OLA1: variants seen among roughly 807,000 people sequenced by gnomAD.
OLA1 encodes the protein obg-like ATPase 1.
In OLA1, 14 loss-of-function variants were observed where a neutral mutation model predicts 48.4. The ratio of observed to expected loss-of-function variants is 0.29; its 90% CI spans 0.19 to 0.45. The LOEUF (loss-of-function observed/expected upper bound fraction) is 0.45. Among genes scored for constraint, OLA1 ranks in the 20% least tolerant of loss-of-function variants. The probability of loss-of-function intolerance (pLI) is 1.00; values close to 1 mark genes in which losing one functional copy is unlikely to be tolerated. For synonymous variants in OLA1, 127 were observed against 150.4 expected, an observed-to-expected ratio of 0.84 and a Z score of 1.14; for missense variants, 325 against 467.1, an observed-to-expected ratio of 0.70 and a Z score of 2.80.
At chr2:174,246,532 C>T (rs1689131005) in intron 2 of OLA1, among the ~76,000 whole-genome samples, 183 bp downstream of exon 2, 1 of 152,122 alleles carries the variant, frequency 6.6e-6, no homozygotes, top group Non-Finnish European at 1.5e-5. Flanking sequence ...CCACACATAG[C>T]CAACCAGCAC....
intron 5 of OLA1, among the ~76,000 whole-genome samples, chr2:174,136,815 G>C (rs1686320978): frequency 1.3e-5 from 2 of 151,818 alleles, no homozygotes; most frequent in East Asian, 3.9e-4. Flanking sequence ...AGGATTACAG[G>C]CACATGCTGC....
rs537566122 is a variant in OLA1 at position 174,130,676 on chromosome 2, G to A, written c.550-7001C>T. Among the ~76,000 whole-genome samples the A allele has an allele frequency of 3.3e-5, 5 of 152,192 alleles. No homozygotes were observed. The East Asian group carries it at 5.8e-4, about 18-fold the overall frequency. ...TTTGAGGAAGGGTCTGGAAGTTGTGGGGAAGCCAACAAATCTGATTTTAAT... is the reference window on the plus strand; with the variant it reads ...TTTGAGGAAGGGTCTGGAAGTTGTGAGGAAGCCAACAAATCTGATTTTAAT... On this transcript the variant is annotated intron_variant, in intron 5 of 10. Coordinates refer to ENST00000284719, the MANE Select transcript of OLA1 (RefSeq NM_013341.5).
In OLA1 at chr2:174,173,336, G is replaced by A. The variant is rs986868852; in HGVS notation, c.374-31336C>T. On this transcript the variant is annotated intron_variant, in intron 4 of 10. Transcript: ENST00000284719. The stretch of plus-strand genomic sequence containing the variant: ...CTGAAGACCTTAAGTACTTGCTTTC[G>A]TCGAATGGTCAGATAACTAGAACTA... Among the ~76,000 whole-genome samples, 27 of 144,360 alleles carry A rather than the reference G, an allele frequency of 1.9e-4. 1 individual carries two copies. The highest frequency in any genetic ancestry group is 1.7e-3 in the Admixed American group (24 of 14,384). The allele number at this position is 144,360 out of a possible 152,430, so 94.7% of individuals were successfully genotyped here.
chr2:174,182,559 TA>T (rs903907716), intron 4 of OLA1, among the ~76,000 whole-genome samples: 1 of 151,960 alleles, frequency 6.6e-6, no homozygotes, highest in Non-Finnish European at 1.5e-5. Flanking sequence ...AAAATGAAAT[TA>T]AAAAATCTCT....
At chr2:174,191,125 C>T (rs1687767687) in intron 4 of OLA1, among the ~76,000 whole-genome samples, 1 of 151,682 alleles carries the variant, frequency 6.6e-6, no homozygotes, top group Admixed American at 6.6e-5. Context: ...TTCCCCCAAC[C>T]AAAAAAATGA....
intron 7 of OLA1, among the ~76,000 whole-genome samples, chr2:174,103,219 T>TG (rs896683598): frequency 3.3e-5 from 5 of 152,238 alleles, no homozygotes; most frequent in African/African-American, 9.6e-5. Context: ...ATAGCATAAC[T>TG]GGGGGTTAAG....
chr2:174,113,652 T>C (rs1223249249), intron 7 of OLA1, among the ~76,000 whole-genome samples: 1 of 152,226 alleles, frequency 6.6e-6, no homozygotes. Flanking sequence ...ATTTAGTTTA[T>C]TAACTAAACA....
intron 4 of OLA1, among the ~76,000 whole-genome samples, chr2:174,207,513 C>A (rs889716868): frequency 2.0e-5 from 3 of 152,134 alleles, no homozygotes; most frequent in Admixed American, 2.0e-4. Context: ...AGTTCTATTT[C>A]CTTAAGAACT....
At chr2:174,212,737 T>A (rs1257696874) in intron 4 of OLA1, among the ~76,000 whole-genome samples, 1 of 152,156 alleles carries the variant, frequency 6.6e-6, no homozygotes, top group African/African-American at 2.4e-5. Context: ...AAGACACAAA[T>A]ACACACAGTA....
At chr2:174,085,135 C>T (rs1684939926) in intron 7 of OLA1, among the ~76,000 whole-genome samples, 1 of 152,058 alleles carries the variant, frequency 6.6e-6, no homozygotes, top group Admixed American at 6.6e-5. Context: ...ATTTTTCTTC[C>T]CGGTAGTGAT....
At chr2:174,127,318 C>A (rs1235408742) in intron 5 of OLA1, among the ~76,000 whole-genome samples, 1 of 152,108 alleles carries the variant, frequency 6.6e-6, no homozygotes, top group African/African-American at 2.4e-5. Flanking sequence ...CCTAGACATC[C>A]CCCAAGGTTG....
chr2:174,211,880 A>C (rs538420096), intron 4 of OLA1, among the ~76,000 whole-genome samples: 11 of 152,364 alleles, frequency 7.2e-5, no homozygotes, highest in African/African-American at 2.6e-4. Context: ...ATATTATTAA[A>C]ATTGATTTCA....
chr2:174,097,730 G>GAA (rs55967538), intron 7 of OLA1, among the ~76,000 whole-genome samples: 6 of 126,210 alleles, frequency 4.8e-5, no homozygotes, highest in African/African-American at 1.7e-4. Context: ...CTCAAAAAAA[G>GAA]AAAAAAAAAA....
At chr2:174,243,190 G>A (rs1274856776) in intron 2 of OLA1, among the ~76,000 whole-genome samples, 2 of 152,118 alleles carry the variant, frequency 1.3e-5, no homozygotes, top group Non-Finnish European at 2.9e-5. Flanking sequence ...TGTATTTTTA[G>A]TAGAGATGGG....
rs575323376 is a variant in OLA1, at chr2:174,132,209, G to A, written c.550-8534C>T. Among the ~76,000 whole-genome samples, 515 of 151,978 alleles carry A rather than the reference G, an allele frequency of 3.4e-3. 2 individuals carry two copies. Among genetic ancestry groups the A allele is most frequent in the Non-Finnish European group, 5.8e-3 (391 of 67,916 alleles). ...ACAGAATCTACAGTAACACATTTTC[G>A]TTCATAATGCTAGTTTCGCTTTTCT... On this transcript the variant is annotated intron_variant, in intron 5 of 10. Coordinates refer to ENST00000284719, the MANE Select transcript of OLA1 (RefSeq NM_013341.5).
chr2:174,101,679 G>A (rs2105352981), intron 7 of OLA1, among the ~76,000 whole-genome samples: 1 of 152,296 alleles, frequency 6.6e-6, no homozygotes, highest in East Asian at 1.9e-4. Context: ...CCCTGCATAG[G>A]AAAAGAAGCA....
In OLA1 at chr2:174,141,892, C is replaced by T. The variant is rs1686457506; in HGVS notation, c.482G>A (p.Gly161Glu). Residue 161 changes from glycine to glutamate, a missense_variant, in exon 5 of 11, where the codon GGG (glycine) becomes GAG (glutamate). By Grantham distance (98) the Gly-to-Glu change is moderately conservative. Coordinates refer to ENST00000284719, the MANE Select transcript of OLA1 (RefSeq NM_013341.5). ...CTTTTCTAGTTTATCTATAATGGGC[C>T]CAATCATTTCCTCATCTTTAAGCTG... Reference protein sequence around the residue: ...ELQLKDEEMIGPIIDKLEKVA... With the variant: ...ELQLKDEEMIEPIIDKLEKVA... 13 of 1,612,230 alleles carry T rather than the reference C, an allele frequency of 8.1e-6. No individual in the cohort carries two copies. Among genetic ancestry groups the T allele is most frequent in the Non-Finnish European group, 1.1e-5 (13 of 1,179,684 alleles).
intron 7 of OLA1, among the ~76,000 whole-genome samples, chr2:174,110,097 T>C (rs920964133): frequency 6.7e-6 from 1 of 149,022 alleles, no homozygotes; most frequent in Non-Finnish European, 1.5e-5. Flanking sequence ...AAGGATTTTT[T>C]TTTTTTTTTT....
chr2:174,163,707 AATAAATATAT>A (rs1687068886), intron 4 of OLA1, among the ~76,000 whole-genome samples: 4 of 39,994 alleles, frequency 1.0e-4, no homozygotes, highest in African/African-American at 4.4e-4. Context: ...AAAATAAATA[AATAAATATAT>A]ATATATATAT....
Sources: allele counts gnomAD v4.1 joint callset (sites outside exome capture counted in the v4.1 genomes callset), GRCh38; gene constraint gnomAD v4.1.1; transcripts MANE v1.5; gene names NCBI Gene and HGNC (gene_info 2026-07-23, HGNC 2026-07-21).